Variants in WDFY3 observed in about 807,000 individuals in gnomAD.
WDFY3 encodes the protein WD repeat and FYVE domain containing 3, also known as WD repeat and FYVE domain-containing protein 3.
A neutral mutation model predicts 409.6 loss-of-function variants in WDFY3; 66 were observed. That is an observed-to-expected ratio of 0.16 (90% CI 0.13 to 0.20). WDFY3 has a LOEUF of 0.20. WDFY3 is among the 10% of genes least tolerant of loss of function. WDFY3 has a pLI of 1.00. For missense variants in WDFY3, 3,031 were observed against 4,298.1 expected, an observed-to-expected ratio of 0.71 and a Z score of 8.24; for synonymous variants, 1,521 against 1,537.1, an observed-to-expected ratio of 0.99 and a Z score of 0.25.
intron 2 of WDFY3, among the ~76,000 whole-genome samples, chr4:84,923,000 T>C (rs937885991): frequency 6.6e-6 from 1 of 152,210 alleles, no homozygotes; most frequent in South Asian, 2.1e-4. Context: ...CTGGGACACA[T>C]GCTGTGAGAT....
chr4:84,682,387 T>C lies in WDFY3; in HGVS notation c.9810A>G (p.Pro3270=), dbSNP rs2148783474. Residue 3270 remains proline (P), a synonymous_variant, in exon 64 of 68, where the codon CCA becomes CCG. Transcript: ENST00000295888. The part of the protein sequence containing the change: ...AEVLEMQEDC[P]EAQIGQEAQD... ...AGTATTAAATACCTATTTGTGCTTC[T>C]GGACAGTCTTCCTGCATTTCTAGGA... The C allele has an allele frequency of 1.9e-6, 3 of 1,613,818 alleles. No homozygotes were observed. In the East Asian group the frequency reaches 6.7e-5, roughly 36 times the overall value.
chr4:84,693,768 G>A (rs1490978474), intron 58 of WDFY3, among the ~76,000 whole-genome samples: 4 of 152,072 alleles, frequency 2.6e-5, no homozygotes, highest in South Asian at 4.2e-4. Flanking sequence ...GGTGGTACAC[G>A]CCTGTAGTTC....
intron 56 of WDFY3, among the ~76,000 whole-genome samples, chr4:84,698,354 G>C (rs993771512): frequency 7.3e-5 from 11 of 150,376 alleles, no homozygotes; most frequent in African/African-American, 2.7e-4. Flanking sequence ...GTATAATCAT[G>C]GCTCACTTCA....
intron 13 of WDFY3, among the ~76,000 whole-genome samples, chr4:84,811,885 TG>T (rs1445501574): frequency 6.6e-6 from 1 of 152,218 alleles, no homozygotes; most frequent in Non-Finnish European, 1.5e-5. Flanking sequence ...AATTCATGTA[TG>T]TTTCATATAT....
In WDFY3 at chr4:84,821,216, G is replaced by T; in HGVS notation, c.1459C>A (p.Leu487Ile). The change falls in exon 11 of 68, where the codon CTT (leucine) becomes ATT (isoleucine). Residue 487 changes from leucine to isoleucine, a missense_variant. By Grantham distance (5) the Leu-to-Ile change is conservative. This residue lies in a region of WDFY3 where 1,322 missense variants were observed against 1,697.9 expected (regional missense o/e 0.78). Transcript: ENST00000295888. ...HCSIIAMKTL[L>I]KFTRHDYIFK... ...ATGTAGTCATGTCTTGTAAACTTAA[G>T]AAGTGTTTTCATTGCAATAATGCTA... 6.2e-7 allele frequency: 1 copy of T among 1,613,738 alleles called. No homozygotes were observed. The highest frequency in any genetic ancestry group is 8.5e-7 in the Non-Finnish European group (1 of 1,179,810).
chr4:84,748,764 T>A (rs896495154), intron 36 of WDFY3, among the ~76,000 whole-genome samples: 2 of 152,212 alleles, frequency 1.3e-5, no homozygotes, highest in African/African-American at 2.4e-5. Context: ...TAGATACTTT[T>A]ATGATGAAAT....
Position 84,743,739 on chromosome 4 carries a change from T to C in WDFY3, c.6034A>G (p.Ser2012Gly). 4 of 1,597,448 alleles carry C rather than the reference T, an allele frequency of 2.5e-6. No homozygotes were observed. Among genetic ancestry groups the C allele is most frequent in the Non-Finnish European group, 3.4e-6 (4 of 1,169,734 alleles). ...QKEFQTYILDSVMDHLLAADV... is the reference protein window; with the variant it reads ...QKEFQTYILDGVMDHLLAADV... ...GCTGCAAGCAAATGGTCCATCACGCTATCCAAAATGTAAGTTTGAAATTCT... is the reference window on the plus strand; with the variant it reads ...GCTGCAAGCAAATGGTCCATCACGCCATCCAAAATGTAAGTTTGAAATTCT... Residue 2012 changes from serine to glycine, a missense_variant, in exon 37 of 68, where the codon AGC becomes GGC. Physicochemically the swap from Ser to Gly is moderately conservative, Grantham distance 56 (BLOSUM62 0). This residue lies in a region of WDFY3 where 314 missense variants were observed against 397.4 expected (regional missense o/e 0.79). Coordinates refer to ENST00000295888, the MANE Select transcript of WDFY3 (RefSeq NM_014991.6).
chr4:84,751,540 G>C lies in WDFY3; in HGVS notation c.5916C>G (p.Asp1972Glu). Residue 1972 changes from aspartate to glutamate, a missense_variant, in exon 36 of 68, where the codon GAC becomes GAG. This residue lies in a region of WDFY3 where 314 missense variants were observed against 397.4 expected (regional missense o/e 0.79). Transcript: ENST00000295888. ...TGCTGGCAGGAGTGAGACAGAGGTT[G>C]TCTATGATTAAGACCCGCATGAAGT... ...VFDFMRVLIIDNLCLTPASKQ... is the reference protein window; with the variant it reads ...VFDFMRVLIIENLCLTPASKQ... 1 of 1,614,188 alleles carries C rather than the reference G, an allele frequency of 6.2e-7. No homozygotes were observed. Among genetic ancestry groups the C allele is most frequent in the Non-Finnish European group, 8.5e-7 (1 of 1,180,038 alleles).
At chr4:84,960,852 T>A (rs915911515) in intron 1 of WDFY3, among the ~76,000 whole-genome samples, 1 of 152,212 alleles carries the variant, frequency 6.6e-6, no homozygotes, top group Non-Finnish European at 1.5e-5. Flanking sequence ...GGCAACCCAG[T>A]ATTCTACTAC....
At chr4:84,814,056 G>C (rs1752906922) in intron 13 of WDFY3, among the ~76,000 whole-genome samples, 2 of 152,120 alleles carry the variant, frequency 1.3e-5, no homozygotes, top group East Asian at 1.9e-4. Context: ...AAAGAAAATA[G>C]AAGTAATAAC....
At chr4:84,893,862 C>A (rs746122480) in intron 3 of WDFY3, among the ~76,000 whole-genome samples, 1 of 151,974 alleles carries the variant, frequency 6.6e-6, no homozygotes. Flanking sequence ...TGGTGGCCAG[C>A]GCCTGTAATC....
chr4:84,747,180 A>C (rs2149268096), intron 36 of WDFY3, among the ~76,000 whole-genome samples: 1 of 152,268 alleles, frequency 6.6e-6, no homozygotes, highest in African/African-American at 2.4e-5. Context: ...CTCCTTTTTA[A>C]GGTCTTGGGG....
chr4:84,738,935 A>C, intron 40 of WDFY3, 75 bp downstream of exon 40: 1 of 1,510,868 alleles, frequency 6.6e-7, no homozygotes, highest in Admixed American at 1.7e-5. Context: ...TTCTGAAGCC[A>C]ATTTGTTGGT....
intron 44 of WDFY3, among the ~76,000 whole-genome samples, chr4:84,729,822 T>A (rs1194618339): frequency 2.0e-5 from 3 of 152,202 alleles, no homozygotes; most frequent in African/African-American, 4.8e-5. Flanking sequence ...AAATAATAAT[T>A]ATTTTAATCA....
At chr4:84,897,770 T>C (rs1034270608) in intron 2 of WDFY3, among the ~76,000 whole-genome samples, 1 of 152,178 alleles carries the variant, frequency 6.6e-6, no homozygotes, top group African/African-American at 2.4e-5. Flanking sequence ...TCACCTCACA[T>C]TTTCTGAACA....
At chr4:84,779,289 A>G (rs1018686678) in intron 26 of WDFY3, among the ~76,000 whole-genome samples, 3 of 152,242 alleles carry the variant, frequency 2.0e-5, no homozygotes, top group African/African-American at 7.2e-5. Flanking sequence ...TTCATTATCA[A>G]TAAACTAATG....
chr4:84,828,584 A>T (rs1755203519), intron 9 of WDFY3, among the ~76,000 whole-genome samples: 1 of 152,054 alleles, frequency 6.6e-6, no homozygotes, highest in African/African-American at 2.4e-5. Context: ...TCACTTTTCC[A>T]CTCTGTTGGC....
At chr4:84,880,370 T>C (rs781172949) in intron 3 of WDFY3, among the ~76,000 whole-genome samples, 1 of 151,964 alleles carries the variant, frequency 6.6e-6, no homozygotes, top group Non-Finnish European at 1.5e-5. Context: ...ACAAGAGCAA[T>C]AGGACATCAA....
At chr4:84,817,275 T>C in intron 13 of WDFY3, 117 bp downstream of exon 13, 1 of 1,296,710 alleles carries the variant, frequency 7.7e-7, no homozygotes, top group Non-Finnish European at 1.1e-6. Flanking sequence ...AGTTGTGAGG[T>C]TTCTTGGGTA....
Sources: allele counts gnomAD v4.1 joint callset (sites outside exome capture counted in the v4.1 genomes callset), GRCh38; gene constraint gnomAD v4.1.1; regional missense constraint gnomAD v4.1.1; transcripts MANE v1.5; gene names NCBI Gene and HGNC (gene_info 2026-07-23, HGNC 2026-07-21).